Variants in PLEKHA6 observed in about 807,000 individuals in gnomAD.
PLEKHA6 encodes the protein pleckstrin homology domain-containing family A member 6.
In PLEKHA6, 60 loss-of-function variants were observed where a neutral mutation model predicts 116.7. The ratio of observed to expected loss-of-function variants is 0.51; its 90% CI spans 0.42 to 0.64. PLEKHA6 has a LOEUF of 0.64. PLEKHA6 is among the 30% of genes least tolerant of loss of function. The pLI is 0.00. For synonymous variants in PLEKHA6, 489 were observed against 556.1 expected (o/e 0.88, Z 1.70); for missense variants, 1,338 against 1,422.7 (o/e 0.94, Z 0.96).
chr1:204,328,032 G>T lies in PLEKHA6; in HGVS notation c.-95+31662C>A, dbSNP rs546918821. ...CCTGGCTGGGATAAAAAGGAAAGAA[G>T]CTGCTTTTATTTATTTTATTTATTT... On this transcript the variant is annotated intron_variant, in intron 1 of 22. Coordinates refer to ENST00000272203, the MANE Select transcript of PLEKHA6 (RefSeq NM_014935.5). Among the ~76,000 whole-genome samples, 13 of 150,260 alleles carry T rather than the reference G, an allele frequency of 8.7e-5. 1 individual carries two copies. The East Asian group carries it at 2.5e-3, about 29-fold the overall frequency.
upstream of PLEKHA6, among the ~76,000 whole-genome samples, chr1:204,361,543 A>G (rs935713189): frequency 1.1e-4 from 16 of 152,370 alleles, no homozygotes; most frequent in African/African-American, 3.8e-4. Context: ...CAGCAGGCGC[A>G]GCTCAGCAGC....
chr1:204,375,299 A>G (rs1673849227), intron 1 of PLEKHA6, among the ~76,000 whole-genome samples: 1 of 151,892 alleles, frequency 6.6e-6, no homozygotes, highest in African/African-American at 2.4e-5. Context: ...TCCCCCGGGA[A>G]CCTCAACTGC....
intron 9 of PLEKHA6, among the ~76,000 whole-genome samples, chr1:204,255,423 T>G (rs1665141768): frequency 6.6e-6 from 1 of 152,222 alleles, no homozygotes; most frequent in African/African-American, 2.4e-5. Flanking sequence ...ATTATGCTTC[T>G]TTCCCCAGGA....
upstream of PLEKHA6, among the ~76,000 whole-genome samples, chr1:204,361,372 C>T (rs980149836): frequency 6.6e-6 from 1 of 152,190 alleles, no homozygotes; most frequent in Admixed American, 6.5e-5. Flanking sequence ...CCTCCCAGGG[C>T]CTGGGAGGAA....
At chr1:204,301,233 A>G in intron 1 of PLEKHA6, 1 of 984,746 alleles carries the variant, frequency 1.0e-6, no homozygotes, top group Non-Finnish European at 1.2e-6. Flanking sequence ...CAGCAGAGTC[A>G]CCAGAGTTAT....
At chr1:204,286,664 C>T (rs1003033434) in intron 1 of PLEKHA6, among the ~76,000 whole-genome samples, 28 of 152,184 alleles carry the variant, frequency 1.8e-4, no homozygotes, top group African/African-American at 6.5e-4. Context: ...TTAAACCAAG[C>T]ATGTGGGGCA....
rs766305489 is a variant in PLEKHA6, at chr1:204,257,640, C to G, written c.1237G>C (p.Ala413Pro). 9 of 1,609,172 alleles carry G rather than the reference C, an allele frequency of 5.6e-6. No individual in the cohort carries two copies. The East Asian group carries it at 2.0e-4, about 36-fold the overall frequency. ...AYQLREWKEP[A>P]SYGRQDATVW... ...GTGGCATCCTGCCGCCCGTAGCTGG[C>G]GGGCTCCTTCCACTCTCGCAGCTGG... The change falls in exon 9 of 23, where the codon GCC becomes CCC. Residue 413 changes from alanine (A) to proline (P), a missense_variant. Transcript: ENST00000272203. This position sits in a 1 kb window ranked among gnomAD's most constrained non-coding sequence, Gnocchi z 6.5.
rs200106326 is a variant in PLEKHA6 at position 204,228,954 on chromosome 1, C to T, written c.2734G>A (p.Val912Met). ...KMELEPQHYDVDINKELSTPD... is the reference protein window; with the variant it reads ...KMELEPQHYDMDINKELSTPD... ...CCACTCACCTCCTTATTGATGTCCA[C>T]GTCATAATGCTGGGGCTCTAGCTCC... Residue 912 changes from valine (V) to methionine (M), a missense_variant, in exon 19 of 23, where the codon GTG (valine) becomes ATG (methionine). This residue lies in a region of PLEKHA6 where 1,136 missense variants were observed against 1,163.6 expected (regional missense o/e 0.98). Transcript: ENST00000272203. This position sits in a 1 kb window ranked among gnomAD's most constrained non-coding sequence, Gnocchi z 4.0. The T allele has an allele frequency of 1.1e-5, 18 of 1,614,044 alleles. No individual in the cohort carries two copies. Among genetic ancestry groups the T allele is most frequent in the African/African-American group, 9.3e-5 (7 of 74,902 alleles).
intron 21 of PLEKHA6, among the ~76,000 whole-genome samples, chr1:204,224,835 C>T (rs1442063098): frequency 6.6e-6 from 1 of 152,126 alleles, no homozygotes; most frequent in Non-Finnish European, 1.5e-5. Flanking sequence ...CATCACTGAC[C>T]CAACGCTTAG....
At chr1:204,363,626 G>A (rs573946428), upstream of PLEKHA6, among the ~76,000 whole-genome samples, 8 of 152,320 alleles carry the variant, frequency 5.3e-5, no homozygotes, top group Non-Finnish European at 1.2e-4. Context: ...GGGAGACAAG[G>A]GGGCGGGGGA....
At chr1:204,321,444 C>T (rs990543898) in intron 1 of PLEKHA6, among the ~76,000 whole-genome samples, 6 of 151,686 alleles carry the variant, frequency 4.0e-5, no homozygotes, top group Admixed American at 3.9e-4. Flanking sequence ...CCCCTACTGC[C>T]CCCCTGCAGT....
intron 1 of PLEKHA6, among the ~76,000 whole-genome samples, chr1:204,349,181 G>A (rs1264592973): frequency 6.6e-6 from 1 of 152,142 alleles, no homozygotes; most frequent in Non-Finnish European, 1.5e-5. Context: ...ATTTTAAGGG[G>A]GCCAGGACAG....
At chr1:204,256,056 C>T (rs1665241469) in intron 9 of PLEKHA6, among the ~76,000 whole-genome samples, 1 of 152,150 alleles carries the variant, frequency 6.6e-6, no homozygotes, top group African/African-American at 2.4e-5. Flanking sequence ...GTGGGCAAAG[C>T]TTATATGCTG....
intron 1 of PLEKHA6, among the ~76,000 whole-genome samples, chr1:204,327,372 G>C (rs992925620): frequency 6.6e-6 from 1 of 152,148 alleles, no homozygotes; most frequent in Non-Finnish European, 1.5e-5. Flanking sequence ...AGGGTGTCTT[G>C]TGTCTCTAGT....
At chr1:204,303,767 A>G (rs1390925669) in intron 1 of PLEKHA6, among the ~76,000 whole-genome samples, 1 of 152,154 alleles carries the variant, frequency 6.6e-6, no homozygotes, top group Non-Finnish European at 1.5e-5. Flanking sequence ...AGGCTGGAGT[A>G]CAGAGGCGCA....
At chr1:204,258,018 T>C in intron 8 of PLEKHA6, 149 bp from the exon 9 acceptor site, 2 of 679,072 alleles carry the variant, frequency 2.9e-6, no homozygotes, top group East Asian at 2.7e-5. Flanking sequence ...AGGGAAAGAC[T>C]CCTGTCCTCA....
Position 204,241,712 on chromosome 1 carries a change from C to T in PLEKHA6, c.2275G>A (p.Ala759Thr). Reference sequence around the variant, plus strand: ...TTGTTGAGAGCTGCCTGCTTCTCTGCCTCTACCTCTTGCCTGGTGGGCACA... The same window carrying T: ...TTGTTGAGAGCTGCCTGCTTCTCTGTCTCTACCTCTTGCCTGGTGGGCACA... ...SLVPTRQEVE[A>T]EKQAALNKVG... The change falls in exon 16 of 23, where the codon GCA becomes ACA. Residue 759 changes from alanine to threonine, a missense_variant. By Grantham distance (58) the Ala-to-Thr change is moderately conservative (BLOSUM62 0). Coordinates refer to ENST00000272203, the MANE Select transcript of PLEKHA6 (RefSeq NM_014935.5). 6.2e-7 allele frequency: 1 copy of T among 1,608,250 alleles called. No individual in the cohort carries two copies. Among genetic ancestry groups the T allele is most frequent in the South Asian group, 1.1e-5 (1 of 89,678 alleles).
rs1665586568 is a variant in PLEKHA6 at position 204,257,961 on chromosome 1, A to G, written c.1008-92T>C. 8.4e-7 allele frequency: 1 copy of G among 1,197,086 alleles called. No individual in the cohort carries two copies. Among genetic ancestry groups the G allele is most frequent in the African/African-American group, 1.5e-5 (1 of 65,478 alleles). 74.2% of individuals were successfully genotyped at this position (1,197,086 alleles called of 1,614,324 possible). A position where few individuals can be genotyped will look rare whatever the true frequency, so the allele number is the denominator to read the frequency against. ...ACCTCCAGGTCCCCCAGCCTAGAGC[A>G]GGGTGCTTGAATAGGTACACAGGGG... On this transcript the variant is annotated intron_variant, in intron 8 of 22. Coordinates refer to ENST00000272203, the MANE Select transcript of PLEKHA6 (RefSeq NM_014935.5). This position sits in a 1 kb window ranked among gnomAD's most constrained non-coding sequence, Gnocchi z 6.5.
intron 1 of PLEKHA6, among the ~76,000 whole-genome samples, chr1:204,339,514 G>A (rs1331675345): frequency 6.6e-6 from 1 of 152,162 alleles, no homozygotes. Flanking sequence ...GCTGGGAGAG[G>A]GAGAGGAGGG....
Sources: allele counts gnomAD v4.1 joint callset (sites outside exome capture counted in the v4.1 genomes callset), GRCh38; gene constraint gnomAD v4.1.1; regional missense constraint gnomAD v4.1.1; non-coding constraint Gnocchi (gnomAD v3.1); transcripts MANE v1.5; gene names NCBI Gene and HGNC (gene_info 2026-07-23, HGNC 2026-07-21).